Variants in DNAH5 observed in about 807,000 individuals in gnomAD.
DNAH5 encodes axonemal beta dynein heavy chain 5.
A neutral mutation model predicts 518.2 loss-of-function variants in DNAH5; 372 were observed. That is an observed-to-expected ratio of 0.72 (90% CI 0.66 to 0.78). The LOEUF is 0.78. Among genes scored for constraint, DNAH5 ranks in the 30% least tolerant of loss-of-function variants. The pLI is 0.00. For missense variants in DNAH5, 5,523 were observed against 5,687.0 expected, an observed-to-expected ratio of 0.97 and a Z score of 0.93; for synonymous variants, 2,039 against 2,025.9, an observed-to-expected ratio of 1.01 and a Z score of -0.17.
At chr5:13,726,122 A>ATC (rs1246261035) in intron 70 of DNAH5, among the ~76,000 whole-genome samples, 1 of 152,248 alleles carries the variant, frequency 6.6e-6, no homozygotes, top group Non-Finnish European at 1.5e-5. Context: ...GATTGAATGT[A>ATC]TCTACATTGT....
At position 13,873,919 on chromosome 5, in the gene DNAH5, G is replaced by A. The variant is rs148541453; in HGVS notation, c.3397-2154C>T. 3.4e-3 allele frequency among the ~76,000 whole-genome samples: 524 copies of A among 152,202 alleles called. 4 individuals are homozygous for A. The highest frequency in any genetic ancestry group is 0.012 in the African/African-American group (503 of 41,526). Reference sequence around the variant, plus strand: ...AAATTTAGCTGATAAAGAATAAACAGTGCAATTATCTGAAATAACTGAGCA... The same window carrying A: ...AAATTTAGCTGATAAAGAATAAACAATGCAATTATCTGAAATAACTGAGCA... On this transcript the variant is annotated intron_variant, in intron 22 of 78. Coordinates refer to ENST00000265104, the MANE Select transcript of DNAH5 (RefSeq NM_001369.3).
chr5:13,866,265 G>T lies in DNAH5; in HGVS notation c.4071C>A (p.Ser1357Arg). Residue 1357 changes from serine to arginine, a missense_variant, in exon 26 of 79, where the codon AGC becomes AGA. Ser to Arg is a moderately radical substitution (Grantham distance 110). This residue lies in a region of DNAH5 where 5,121 missense variants were observed against 5,223.3 expected (regional missense o/e 0.98). Transcript: ENST00000265104. ...CACTGGCTTCCTGGGGCTTCAAGCC[G>T]CTAGCCATTGGACCATTCTGAACAA... ...LDYDLNGPMA[S>R]GLKPQEASDR... The T allele has an allele frequency of 1.2e-6, 2 of 1,613,266 alleles. No homozygotes were observed. The highest frequency in any genetic ancestry group is 1.7e-6 in the Non-Finnish European group (2 of 1,179,704).
chr5:13,867,754 A>G lies in DNAH5; in HGVS notation c.4053+20T>C, dbSNP rs1311268683. 1 of 1,597,138 alleles carries G rather than the reference A, an allele frequency of 6.3e-7. No individual in the cohort carries two copies. The highest frequency in any genetic ancestry group is 1.1e-5 in the South Asian group (1 of 90,702). On this transcript the variant is annotated intron_variant, in intron 25 of 78. Coordinates refer to ENST00000265104, the MANE Select transcript of DNAH5 (RefSeq NM_001369.3). ...TTCACTCATCCCCGAAAACGCACAC[A>G]GAGAAAGCCAGAGACATACCAAATC...
chr5:13,969,347 C>A (rs1284270030), intron 1 of DNAH5, among the ~76,000 whole-genome samples: 1 of 151,720 alleles, frequency 6.6e-6, no homozygotes, highest in Admixed American at 6.6e-5. Flanking sequence ...TATTTATTTT[C>A]TTCTGTTGAG....
chr5:13,695,792 C>A (rs767573612), intron 78 of DNAH5, among the ~76,000 whole-genome samples: 2 of 152,158 alleles, frequency 1.3e-5, no homozygotes, highest in Non-Finnish European at 2.9e-5. Context: ...TTCGACACTT[C>A]TTTATCTCTC....
intron 1 of DNAH5, among the ~76,000 whole-genome samples, chr5:13,982,653 T>C (rs944754101): frequency 7.2e-6 from 1 of 139,556 alleles, no homozygotes; most frequent in Non-Finnish European, 1.6e-5. Flanking sequence ...AGTAGACATA[T>C]GCACTATTGC....
chr5:13,937,004 CTATGTT>C (rs1410198205), intron 1 of DNAH5, among the ~76,000 whole-genome samples: 1 of 152,046 alleles, frequency 6.6e-6, no homozygotes, highest in Non-Finnish European at 1.5e-5. Flanking sequence ...CATTTGCTCA[CTATGTT>C]TTGGTTTAAT....
intron 1 of DNAH5, among the ~76,000 whole-genome samples, chr5:13,985,430 A>ATATATATAT (rs1782977078): frequency 7.9e-6 from 1 of 127,346 alleles, no homozygotes; most frequent in Non-Finnish European, 1.7e-5. Flanking sequence ...AGTATAATAA[A>ATATATATAT]ATATATATAT....
intron 30 of DNAH5, among the ~76,000 whole-genome samples, chr5:13,855,817 A>T (rs956397244): frequency 1.3e-5 from 2 of 152,266 alleles, no homozygotes; most frequent in African/African-American, 4.8e-5. Context: ...CAGTGCAATC[A>T]AATTAGAACT....
At chr5:13,718,167 A>T (rs1246102524) in intron 72 of DNAH5, among the ~76,000 whole-genome samples, 1 of 152,182 alleles carries the variant, frequency 6.6e-6, no homozygotes, top group Admixed American at 6.5e-5. Flanking sequence ...AATTATATTT[A>T]TTATGGTTAT....
rs569828610 is a variant in DNAH5 at position 14,011,130 on chromosome 5, C to T, written c.12+518G>A. On this transcript the variant is annotated intron_variant, in intron 1 of 78. Coordinates refer to the DNAH5 transcript ENST00000681290. ...GACAGAAAGAACCCACCCAGCGGGG[C>T]TTTCTCTGCACACCATACCCCTCCC... is the stretch of plus-strand genomic sequence containing the variant. Among the ~76,000 whole-genome samples, 5 of 152,330 alleles carry T rather than the reference C, an allele frequency of 3.3e-5. No homozygotes were observed. The South Asian group carries it at 1.0e-3, about 32-fold the overall frequency.
intron 1 of DNAH5, among the ~76,000 whole-genome samples, chr5:13,970,848 G>A (rs979680495): frequency 1.3e-5 from 2 of 152,124 alleles, no homozygotes; most frequent in African/African-American, 4.8e-5. Flanking sequence ...CAAGACCAGG[G>A]AAGTTTACCT....
intron 30 of DNAH5, among the ~76,000 whole-genome samples, chr5:13,856,243 A>G (rs1483820380): frequency 6.6e-6 from 1 of 152,178 alleles, no homozygotes; most frequent in Non-Finnish European, 1.5e-5. Context: ...AAACAGATAG[A>G]CTGCTAGCCA....
intron 1 of DNAH5, chr5:13,932,577 T>C (rs1778526900): frequency 6.6e-6 from 1 of 152,222 alleles, no homozygotes; most frequent in African/African-American, 2.4e-5. Flanking sequence ...ATAAATATTT[T>C]CTGAACCACA....
chr5:13,911,369 T>A lies in DNAH5; in HGVS notation c.1644+17A>T, dbSNP rs141672120. The A allele has an allele frequency of 8.6e-5, 137 of 1,596,734 alleles. 1 individual carries two copies. The African/African-American group carries it at 1.6e-3, about 19-fold the overall frequency. On this transcript the variant is annotated intron_variant, in intron 12 of 78. Coordinates refer to ENST00000265104, the MANE Select transcript of DNAH5 (RefSeq NM_001369.3). ...TAAACACACGACTGTCAACAGGAAT[T>A]TTATTATACAACCTACATGAAGGTC...
chr5:13,708,135 A>G lies in DNAH5; in HGVS notation c.13326T>C (p.Ala4442=). Residue 4442 remains alanine (A), a synonymous_variant, in exon 76 of 79, where the codon GCT becomes GCC. Transcript: ENST00000265104. ...LDCMFDARIP[A]WWKKASWISS... ...GGCTTATACGTACTTTTTTCCACCAAGCAGGGATTCTAGCATCAAACATGC... is the reference window on the plus strand; with the variant it reads ...GGCTTATACGTACTTTTTTCCACCAGGCAGGGATTCTAGCATCAAACATGC... 5.6e-6 allele frequency: 9 copies of G among 1,614,182 alleles called. No individual in the cohort carries two copies. The highest frequency in any genetic ancestry group is 7.6e-6 in the Non-Finnish European group (9 of 1,179,998).
chr5:13,786,475 A>G (rs1756030769), intron 51 of DNAH5, 124 bp from the exon 52 acceptor site: 6 of 1,024,232 alleles, frequency 5.9e-6, no homozygotes, highest in Non-Finnish European at 2.9e-6. Flanking sequence ...GCTAAATGCC[A>G]TAGTGTGTAT....
chr5:13,786,063 T>C, intron 52 of DNAH5, 116 bp downstream of exon 52: 2 of 1,027,522 alleles, frequency 1.9e-6, no homozygotes, highest in Non-Finnish European at 3.0e-6. Flanking sequence ...TAGCATGGAG[T>C]CTAATTTTAA....
At chr5:13,981,612 C>T (rs557321491) in intron 1 of DNAH5, among the ~76,000 whole-genome samples, 12 of 152,196 alleles carry the variant, frequency 7.9e-5, no homozygotes, top group Non-Finnish European at 1.3e-4. Context: ...TGTCTGTCTG[C>T]TCTCATCGGT....
Sources: gnomAD v4.1 joint callset for allele counts (sites outside exome capture counted in the v4.1 genomes callset) on GRCh38, gnomAD v4.1.1 for gene constraint, gnomAD v4.1.1 regional missense constraint, MANE v1.5 for transcripts, NCBI Gene and HGNC (gene_info 2026-07-23, HGNC 2026-07-21) for gene names.